Variants in DGKB observed in about 807,000 individuals in gnomAD.
The protein encoded by DGKB is 90 kDa diacylglycerol kinase.
Under a neutral mutation model 114.3 loss-of-function variants are expected in DGKB, and 67 were observed. That is an observed-to-expected ratio of 0.59 (90% confidence interval 0.48 to 0.72). The LOEUF (loss-of-function observed/expected upper bound fraction) is 0.72, where lower values mean the gene tolerates loss of function less well. Ranked by LOEUF, DGKB falls within the 30% of genes least tolerant of loss-of-function variation. DGKB has a pLI of 0.00. For missense variants in DGKB, 907 were observed against 975.2 expected (o/e 0.93, Z 0.93); for synonymous variants, 398 against 323.1 (o/e 1.23, Z -2.49).
chr7:14,701,322 T>C (rs1479002412), intron 7 of DGKB, among the ~76,000 whole-genome samples: 2 of 152,218 alleles, frequency 1.3e-5, no homozygotes, highest in African/African-American at 2.4e-5. Context: ...TCAAGTTTCC[T>C]TAATGCCAAA....
chr7:14,410,597 A>C (rs1824701546), intron 21 of DGKB, among the ~76,000 whole-genome samples: 1 of 152,180 alleles, frequency 6.6e-6, no homozygotes, highest in Admixed American at 6.5e-5. Context: ...GACTGAATAA[A>C]TCTGGCTACA....
chr7:14,542,965 T>C (rs1246642180), intron 20 of DGKB, among the ~76,000 whole-genome samples: 2 of 152,152 alleles, frequency 1.3e-5, no homozygotes, highest in Non-Finnish European at 2.9e-5. Flanking sequence ...ATTAAGGATT[T>C]TGAGATAAAG....
chr7:14,967,694 C>G (rs867719184), intron 1 of DGKB, among the ~76,000 whole-genome samples: 1 of 88,594 alleles, frequency 1.1e-5, no homozygotes, highest in African/African-American at 4.1e-5. Flanking sequence ...TAATTAAAAA[C>G]AAAACTTTAT....
chr7:14,221,434 T>C (rs1182550750), intron 23 of DGKB, among the ~76,000 whole-genome samples: 6 of 151,394 alleles, frequency 4.0e-5, no homozygotes, highest in Non-Finnish European at 5.9e-5. Flanking sequence ...GTTGATCATG[T>C]GATTTTTGGT....
chr7:14,697,760 GAAAGAAAGAAAC>G (rs1404933693), intron 8 of DGKB, among the ~76,000 whole-genome samples: 76 of 132,210 alleles, frequency 5.7e-4, no homozygotes, highest in African/African-American at 1.8e-3. Flanking sequence ...AAGAAAGAAA[GAAAGAAAGAAAC>G]AAAGAGAAAG....
intron 15 of DGKB, among the ~76,000 whole-genome samples, chr7:14,617,913 G>T (rs144378055): frequency 4.0e-5 from 6 of 151,626 alleles, no homozygotes; most frequent in Admixed American, 1.3e-4. Context: ...TCTTAGCCCT[G>T]ATCTTTCTTA....
At chr7:14,299,958 A>G (rs867865081) in intron 23 of DGKB, among the ~76,000 whole-genome samples, 1 of 152,282 alleles carries the variant, frequency 6.6e-6, no homozygotes, top group African/African-American at 2.4e-5. Flanking sequence ...AGCACCATAT[A>G]AAAATATTTT....
chr7:14,349,812 G>A (rs542439161), intron 21 of DGKB, among the ~76,000 whole-genome samples: 108 of 152,172 alleles, frequency 7.1e-4, no homozygotes, highest in African/African-American at 2.5e-3. Flanking sequence ...ATTCACATTA[G>A]AAAATGATCC....
At chr7:14,586,026 T>G (rs1187658499) in intron 17 of DGKB, among the ~76,000 whole-genome samples, 2 of 152,050 alleles carry the variant, frequency 1.3e-5, no homozygotes, top group African/African-American at 4.8e-5. Flanking sequence ...AACCCTACAA[T>G]GTCCTCTAAG....
chr7:14,698,517 G>A (rs1388750591), intron 7 of DGKB, among the ~76,000 whole-genome samples: 1 of 151,996 alleles, frequency 6.6e-6, no homozygotes, highest in Non-Finnish European at 1.5e-5. Flanking sequence ...CTGAACCTTT[G>A]GCTTGAAAAT....
Position 14,789,077 on chromosome 7 carries a change from AT to A in DGKB, c.71-31347del, listed in dbSNP as rs199879067. On this transcript the variant is annotated intron_variant, in intron 2 of 25. Transcript: ENST00000402815. ...AAAGCTGCAGCTTACCACTGGAGGA[AT>A]TTTTTTTTTAATTAAATGTTGAAAT... Among the ~76,000 whole-genome samples, 197 of 150,198 alleles carry A rather than the reference AT, an allele frequency of 1.3e-3. 1 individual carries two copies. The highest frequency in any genetic ancestry group is 4.6e-3 in the African/African-American group (188 of 40,920).
At chr7:14,888,695 A>G (rs1205956797) in intron 1 of DGKB, among the ~76,000 whole-genome samples, 1 of 151,744 alleles carries the variant, frequency 6.6e-6, no homozygotes, top group Non-Finnish European at 1.5e-5. Context: ...CCTTGGTTCT[A>G]TTCCTTCACT....
intron 13 of DGKB, among the ~76,000 whole-genome samples, chr7:14,665,051 G>A (rs1164639122): frequency 6.6e-6 from 1 of 151,858 alleles, no homozygotes; most frequent in South Asian, 2.1e-4. Flanking sequence ...TAAAACAATG[G>A]TTACTTATGT....
chr7:14,202,665 T>G (rs886505235), intron 23 of DGKB, among the ~76,000 whole-genome samples: 1 of 151,934 alleles, frequency 6.6e-6, no homozygotes, highest in African/African-American at 2.4e-5. Context: ...TTAAATGTTT[T>G]GTGTTTTCAA....
chr7:14,588,546 A>T (rs1446883748), intron 17 of DGKB, among the ~76,000 whole-genome samples: 3 of 151,630 alleles, frequency 2.0e-5, no homozygotes, highest in East Asian at 1.9e-4. Context: ...ACTTTCTCCC[A>T]TCTCCCCTTT....
At chr7:14,397,034 G>A (rs1235988294) in intron 21 of DGKB, among the ~76,000 whole-genome samples, 3 of 152,006 alleles carry the variant, frequency 2.0e-5, no homozygotes, top group African/African-American at 7.2e-5. Flanking sequence ...AGTTTTTCAA[G>A]CTTTCTGGGA....
intron 21 of DGKB, among the ~76,000 whole-genome samples, chr7:14,345,974 A>C (rs536590412): frequency 6.6e-6 from 1 of 151,514 alleles, no homozygotes; most frequent in African/African-American, 2.4e-5. Context: ...AAGGTCAAAT[A>C]GATTTTTATA....
rs1165709951 is a variant in DGKB, at chr7:14,348,987, C to G, written c.1836-3596G>C. ...ACTTGATCTTATGATTAAGAAGAAGCTGACAGAAGTTTATTAGCAGAGGGG... is the reference window on the plus strand; with the variant it reads ...ACTTGATCTTATGATTAAGAAGAAGGTGACAGAAGTTTATTAGCAGAGGGG... On this transcript the variant is annotated intron_variant, in intron 21 of 25. Coordinates refer to ENST00000402815, the MANE Select transcript of DGKB (RefSeq NM_001350709.2). Among the ~76,000 whole-genome samples, 3 of 152,076 alleles carry G rather than the reference C, an allele frequency of 2.0e-5. No individual in the cohort carries two copies. In the East Asian group the frequency reaches 5.8e-4, roughly 30 times the overall value.
chr7:14,286,888 A>C (rs1403703621), intron 23 of DGKB, among the ~76,000 whole-genome samples: 1 of 152,186 alleles, frequency 6.6e-6, no homozygotes, highest in East Asian at 1.9e-4. Flanking sequence ...GGCATGAACA[A>C]TATGACATTT....
Sources: gnomAD v4.1 joint callset for allele counts (sites outside exome capture counted in the v4.1 genomes callset) on GRCh38, gnomAD v4.1.1 for gene constraint, MANE v1.5 for transcripts, NCBI Gene and HGNC (gene_info 2026-07-23, HGNC 2026-07-21) for gene names.